The following SNX8 variants were observed in gnomAD, a reference collection of about 807,000 sequenced individuals.
SNX8 encodes the protein sorting nexin 8, also known as sorting nexin-8.
Under a neutral mutation model 51.6 loss-of-function variants are expected in SNX8, and 25 were observed. That is an observed-to-expected ratio of 0.48 (90% CI 0.35 to 0.68). The LOEUF is 0.68. Ranked by LOEUF, SNX8 falls within the 30% of genes least tolerant of loss-of-function variation. The probability of loss-of-function intolerance (pLI) is 0.00; values close to 1 mark genes in which losing one functional copy is unlikely to be tolerated. For synonymous variants in SNX8, 324 were observed against 277.0 expected, an observed-to-expected ratio of 1.17 and a Z score of -1.68; for missense variants, 695 against 624.0, an observed-to-expected ratio of 1.11 and a Z score of -1.21.
rs1308390163 is a variant in SNX8, at chr7:2,264,381, G to A, written c.699C>T (p.His233=). Residue 233 remains histidine (H), a synonymous_variant, in exon 6 of 11, where the codon CAC becomes CAT. Coordinates refer to ENST00000222990, the MANE Select transcript of SNX8 (RefSeq NM_013321.4). ...TCCGCTCGGCCCTGTCGCGAAGCTT[G>A]TGAAAGCTATTGTAGATGTTCCGGA... ...ELIRNIYNSF[H]KLRDRAERIA... 1 of 1,612,974 alleles carries A rather than the reference G, an allele frequency of 6.2e-7. No individual in the cohort carries two copies. Among genetic ancestry groups the A allele is most frequent in the Non-Finnish European group, 8.5e-7 (1 of 1,179,972 alleles).
At chr7:2,309,474 GT>G (rs1796617083) in intron 1 of SNX8, among the ~76,000 whole-genome samples, 1 of 152,096 alleles carries the variant, frequency 6.6e-6, no homozygotes, top group South Asian at 2.1e-4. Flanking sequence ...GCTCACGCCT[GT>G]AATCCCAGTG....
At chr7:2,350,712 C>T (rs190824333) in intron 1 of SNX8, among the ~76,000 whole-genome samples, 1 of 152,148 alleles carries the variant, frequency 6.6e-6, no homozygotes, top group African/African-American at 2.4e-5. Flanking sequence ...AGTGGCACAA[C>T]CTCGGCTCAC....
intron 5 of SNX8, among the ~76,000 whole-genome samples, chr7:2,266,894 A>G (rs1437837464): frequency 6.6e-6 from 1 of 152,212 alleles, no homozygotes; most frequent in Non-Finnish European, 1.5e-5. Flanking sequence ...TTTTTGGAAA[A>G]AGACCAAACT....
chr7:2,337,713 G>C (rs1778855186), intron 1 of SNX8, among the ~76,000 whole-genome samples: 1 of 151,462 alleles, frequency 6.6e-6, no homozygotes, highest in South Asian at 2.1e-4. Context: ...ATTAGCTCAG[G>C]GTCAATTTTA....
At chr7:2,351,604 G>A (rs898586122) in intron 1 of SNX8, among the ~76,000 whole-genome samples, 2 of 151,702 alleles carry the variant, frequency 1.3e-5, no homozygotes, top group African/African-American at 2.4e-5. Context: ...AGGCCAAGGC[G>A]GGCGGATCAC....
intron 1 of SNX8, among the ~76,000 whole-genome samples, chr7:2,350,998 A>G (rs1447318426): frequency 6.6e-6 from 1 of 152,146 alleles, no homozygotes; most frequent in African/African-American, 2.4e-5. Flanking sequence ...GCACGCCTAT[A>G]GTCTCAACTA....
rs572771889 is a variant in SNX8 at position 2,307,747 on chromosome 7, A to C, written c.94+6581T>G. 3 of 151,978 alleles carry C rather than the reference A, an allele frequency of 2.0e-5. No homozygotes were observed. The East Asian group carries it at 5.8e-4, about 29-fold the overall frequency. The allele number at this position is 151,978 out of a possible 1,614,324, so 9.4% of individuals were successfully genotyped here. On this transcript the variant is annotated intron_variant, in intron 1 of 10. Transcript: ENST00000222990. ...TCCTACCTGCAGCCTCCAAGCTTCTAATCACCGCATGGCTCCTCTCAGACA... is the reference window on the plus strand; with the variant it reads ...TCCTACCTGCAGCCTCCAAGCTTCTCATCACCGCATGGCTCCTCTCAGACA...
At chr7:2,343,544 G>T (rs376480311) in intron 1 of SNX8, among the ~76,000 whole-genome samples, 1 of 151,912 alleles carries the variant, frequency 6.6e-6, no homozygotes, top group East Asian at 2.0e-4. Context: ...GTGTGGTGGC[G>T]TGCACCTGTA....
chr7:2,296,322 G>C (rs1796272205), intron 1 of SNX8, among the ~76,000 whole-genome samples: 1 of 151,912 alleles, frequency 6.6e-6, no homozygotes, highest in East Asian at 1.9e-4. Flanking sequence ...TAGGGTGTTT[G>C]GTTGTTGTTA....
intron 1 of SNX8, among the ~76,000 whole-genome samples, chr7:2,293,350 C>CAATGAGCACCTGA (rs1231756775): frequency 6.6e-6 from 1 of 151,614 alleles, no homozygotes; most frequent in Non-Finnish European, 1.5e-5. Flanking sequence ...CAGAAATGGC[C>CAATGAGCACCTGA]AATGAGCACC....
At chr7:2,327,414 A>AC (rs1357419093) in intron 1 of SNX8, among the ~76,000 whole-genome samples, 6 of 77,102 alleles carry the variant, frequency 7.8e-5, no homozygotes, top group Non-Finnish European at 1.7e-4. Flanking sequence ...TAATTTTTTT[A>AC]TTTTTTTTTT....
chr7:2,280,885 C>T (rs1795892109), intron 1 of SNX8, among the ~76,000 whole-genome samples: 3 of 151,850 alleles, frequency 2.0e-5, no homozygotes, highest in Admixed American at 6.6e-5. Context: ...CTCCACCTCC[C>T]GGGTTCAAGC....
At chr7:2,346,251 A>AGGGCAGCATG (rs145352523) in intron 1 of SNX8, among the ~76,000 whole-genome samples, 1 of 6,846 alleles carries the variant, frequency 1.5e-4, no homozygotes, top group Non-Finnish European at 2.7e-4. Context: ...CAGAAGTTTG[A>AGGGCAGCATG]GCTCACATAG....
At chr7:2,315,534 A>T (rs1796739661), upstream of SNX8, among the ~76,000 whole-genome samples, 1 of 149,302 alleles carries the variant, frequency 6.7e-6, no homozygotes. Flanking sequence ...CACTCACTGC[A>T]TCCTGCATTC....
intron 1 of SNX8, among the ~76,000 whole-genome samples, chr7:2,347,854 G>A (rs573968932): frequency 1.3e-5 from 2 of 152,086 alleles, no homozygotes; most frequent in East Asian, 3.9e-4. Flanking sequence ...ATATTAGCCA[G>A]GCTGGTCTGG....
rs555509307 is a variant in SNX8, at chr7:2,303,527, G to A, written c.94+10801C>T. Among the ~76,000 whole-genome samples the A allele has an allele frequency of 2.3e-3, 352 of 152,352 alleles. 3 individuals are homozygous for A. Among genetic ancestry groups the A allele is most frequent in the African/African-American group, 8.1e-3 (336 of 41,588 alleles). ...TGGAATAGAAGGGCGGGAAAGGTGG[G>A]GAAAAGATTGAGAAATCGGATGGTT... On this transcript the variant is annotated intron_variant, in intron 1 of 10. Transcript: ENST00000222990.
chr7:2,257,237 C>T (rs1795209038), intron 9 of SNX8, 128 bp downstream of exon 9: 1 of 1,240,368 alleles, frequency 8.1e-7, no homozygotes, highest in Non-Finnish European at 1.1e-6. Context: ...CCTGCCTCCA[C>T]TGCACCCCCA....
rs370080830 is a variant in SNX8, at chr7:2,264,348, C to G, written c.732G>C (p.Ser244=). 1.2e-6 allele frequency: 2 copies of G among 1,613,060 alleles called. No individual in the cohort carries two copies. Among genetic ancestry groups the G allele is most frequent in the Admixed American group, 3.3e-5 (2 of 60,012 alleles). Residue 244 remains serine, a synonymous_variant, in exon 6 of 11, where the codon TCG becomes TCC. Coordinates refer to ENST00000222990, the MANE Select transcript of SNX8 (RefSeq NM_013321.4). ...GATCTGCCGCATTGTCGATGGCCCG[C>G]GATGCGATCCGCTCGGCCCTGTCGC... ...KLRDRAERIA[S]RAIDNAADLL...
chr7:2,353,692 A>G (rs990660749), intron 1 of SNX8, among the ~76,000 whole-genome samples: 3 of 152,066 alleles, frequency 2.0e-5, no homozygotes, highest in African/African-American at 7.2e-5. Flanking sequence ...CCCAAATTGA[A>G]GGTCCGTCCC....
Sources: gnomAD v4.1 joint callset for allele counts (sites outside exome capture counted in the v4.1 genomes callset) on GRCh38, gnomAD v4.1.1 for gene constraint, MANE v1.5 for transcripts, NCBI Gene and HGNC (gene_info 2026-07-23, HGNC 2026-07-21) for gene names.